PRORP: variants seen among roughly 807,000 people sequenced by gnomAD.
The protein encoded by PRORP is protein only RNase P catalytic subunit.
A neutral mutation model predicts 59.4 loss-of-function variants in PRORP; 51 were observed. That is an observed-to-expected ratio of 0.86 (90% CI 0.69 to 1.08). The LOEUF (loss-of-function observed/expected upper bound fraction) is 1.08. PRORP is among the 50% of genes least tolerant of loss of function. The pLI is 0.00. For synonymous variants in PRORP, 231 were observed against 245.6 expected (o/e 0.94, Z 0.55); for missense variants, 646 against 690.3 (o/e 0.94, Z 0.72).
At chr14:35,139,766 C>T (rs2047442846) in intron 4 of PRORP, among the ~76,000 whole-genome samples, 1 of 145,922 alleles carries the variant, frequency 6.9e-6, no homozygotes, top group African/African-American at 2.4e-5. Context: ...TGGGTAGCTT[C>T]AAATGACAGA....
At chr14:35,163,096 A>G (rs2048101654) in intron 4 of PRORP, among the ~76,000 whole-genome samples, 1 of 152,106 alleles carries the variant, frequency 6.6e-6, no homozygotes, top group South Asian at 2.1e-4. Flanking sequence ...CACTTTCTTT[A>G]ATAAACTTAC....
chr14:35,227,300 C>T (rs1369667232), intron 5 of PRORP, among the ~76,000 whole-genome samples: 1 of 151,498 alleles, frequency 6.6e-6, no homozygotes, highest in South Asian at 2.1e-4. Context: ...AAAATTTAGT[C>T]GGGCGTGGTG....
intron 4 of PRORP, among the ~76,000 whole-genome samples, chr14:35,156,431 A>G (rs2047914904): frequency 6.6e-6 from 1 of 152,090 alleles, no homozygotes; most frequent in African/African-American, 2.4e-5. Context: ...TAATTTAAAC[A>G]TAGGTGTTTT....
chr14:35,205,134 T>C (rs2049257941), intron 5 of PRORP, among the ~76,000 whole-genome samples: 1 of 152,202 alleles, frequency 6.6e-6, no homozygotes, highest in African/African-American at 2.4e-5. Context: ...TTATGGGCTT[T>C]GTCAACATTC....
Position 35,273,483 on chromosome 14 carries a change from C to G in PRORP, c.1669C>G (p.His557Asp), listed in dbSNP as rs1333937245. ...GGTGCAAACAACTGGAGACTCGTGG[C>G]ACATACCATATGATGAAGACTTGGT... The part of the protein sequence containing the change: ...TVVQTTGDSW[H>D]IPYDEDLVER... The change falls in exon 8 of 8, where the codon CAC (histidine) becomes GAC (aspartate). Residue 557 changes from histidine (H) to aspartate (D), a missense_variant. His to Asp is a moderately conservative substitution (Grantham distance 81). Coordinates refer to ENST00000534898, the MANE Select transcript of PRORP (RefSeq NM_014672.4). 2 of 1,613,448 alleles carry G rather than the reference C, an allele frequency of 1.2e-6. No homozygotes were observed. The highest frequency in any genetic ancestry group is 2.2e-5 in the East Asian group (1 of 44,854).
At chr14:35,241,184 C>T (rs2050356910) in intron 5 of PRORP, among the ~76,000 whole-genome samples, 1 of 152,048 alleles carries the variant, frequency 6.6e-6, no homozygotes, top group Non-Finnish European at 1.5e-5. Context: ...TTGAGAGCAG[C>T]CTGGCCAACA....
At chr14:35,128,009 C>T (rs956302758) in intron 4 of PRORP, among the ~76,000 whole-genome samples, 1 of 152,200 alleles carries the variant, frequency 6.6e-6, no homozygotes, top group Non-Finnish European at 1.5e-5. Flanking sequence ...TTCCAGAAAA[C>T]TATGTTCAAG....
chr14:35,131,578 G>A, intron 4 of PRORP, among the ~76,000 whole-genome samples: 1 of 151,032 alleles, frequency 6.6e-6, no homozygotes, highest in African/African-American at 2.4e-5. Context: ...ACCCAGGCTG[G>A]AGTGCAGTGG....
At chr14:35,122,018 C>T, upstream of PRORP, 1 of 1,594,116 alleles carries the variant, frequency 6.3e-7, no homozygotes, top group Non-Finnish European at 8.6e-7. Flanking sequence ...CCACCCCTAC[C>T]AGCTCAGGCG....
intron 5 of PRORP, among the ~76,000 whole-genome samples, chr14:35,200,794 C>T (rs2049128953): frequency 1.3e-5 from 2 of 152,000 alleles, no homozygotes; most frequent in South Asian, 2.1e-4. Context: ...TTTTTTCTAT[C>T]ACTAAGATAT....
intron 4 of PRORP, among the ~76,000 whole-genome samples, chr14:35,136,841 A>C (rs1482506048): frequency 6.9e-6 from 1 of 145,480 alleles, no homozygotes; most frequent in African/African-American, 2.4e-5. Flanking sequence ...GGCTCAATTC[A>C]CAACTTGGTG....
At chr14:35,175,734 C>T (rs913800030) in intron 4 of PRORP, among the ~76,000 whole-genome samples, 5 of 151,978 alleles carry the variant, frequency 3.3e-5, no homozygotes, top group African/African-American at 1.2e-4. Context: ...TGCAGAAGCT[C>T]TTGAGTTTAA....
chr14:35,137,727 T>C (rs2047405054), intron 4 of PRORP, among the ~76,000 whole-genome samples: 1 of 145,052 alleles, frequency 6.9e-6, no homozygotes, highest in Admixed American at 7.2e-5. Flanking sequence ...AGGGTAGCGT[T>C]GGTCCAGAGT....
At chr14:35,238,977 A>G (rs894654791) in intron 5 of PRORP, among the ~76,000 whole-genome samples, 4 of 152,178 alleles carry the variant, frequency 2.6e-5, no homozygotes, top group Admixed American at 6.5e-5. Context: ...ATCCCTATGG[A>G]CTAAGTGTTG....
chr14:35,232,192 A>ATT (rs35565906), intron 5 of PRORP, among the ~76,000 whole-genome samples: 7 of 142,772 alleles, frequency 4.9e-5, no homozygotes, highest in Non-Finnish European at 7.7e-5. Context: ...GGCCATGCAG[A>ATT]TTTTTTTTTT....
chr14:35,135,845 C>A (rs981678576), intron 4 of PRORP, among the ~76,000 whole-genome samples: 2 of 151,666 alleles, frequency 1.3e-5, no homozygotes, highest in Non-Finnish European at 2.9e-5. Flanking sequence ...GTAGTCCCAG[C>A]TACTAAGGAG....
chr14:35,258,769 C>T (rs1055534744), intron 5 of PRORP, among the ~76,000 whole-genome samples: 10 of 152,172 alleles, frequency 6.6e-5, no homozygotes, highest in Middle Eastern at 3.4e-3. Flanking sequence ...GAATGAACCG[C>T]GTATTGTTTA....
rs543397194 is a variant in PRORP, at chr14:35,216,681, C to A, written c.1275+35904C>A. On this transcript the variant is annotated intron_variant, in intron 5 of 7. Coordinates refer to ENST00000534898, the MANE Select transcript of PRORP (RefSeq NM_014672.4). ...ATATGTAGGAGTAGAATTGTCAGTT[C>A]ATATAGTAATTCTTCTATTAGGTTT... is the stretch of plus-strand genomic sequence containing the variant. Among the ~76,000 whole-genome samples the A allele has an allele frequency of 2.0e-5, 3 of 152,244 alleles. No homozygotes were observed. The East Asian group carries it at 5.8e-4, about 29-fold the overall frequency.
intron 5 of PRORP, among the ~76,000 whole-genome samples, chr14:35,203,598 C>T (rs2049212490): frequency 6.6e-6 from 1 of 152,194 alleles, no homozygotes; most frequent in African/African-American, 2.4e-5. Context: ...GGCGCAGTGG[C>T]TCATGCCTGT....
Sources: allele counts gnomAD v4.1 joint callset (sites outside exome capture counted in the v4.1 genomes callset), GRCh38; gene constraint gnomAD v4.1.1; transcripts MANE v1.5; gene names NCBI Gene and HGNC (gene_info 2026-07-23, HGNC 2026-07-21).